Variants in IPO5 observed in about 807,000 individuals in gnomAD.
The protein encoded by IPO5 is importin 5.
A neutral mutation model predicts 143.3 loss-of-function variants in IPO5; 18 were observed. That is an observed-to-expected ratio of 0.13 (90% CI 0.09 to 0.19). IPO5 has a LOEUF of 0.19. IPO5 is among the 10% of genes least tolerant of loss of function. The pLI is 1.00. For missense variants in IPO5, 1,013 were observed against 1,336.9 expected, an observed-to-expected ratio of 0.76 and a Z score of 3.78; for synonymous variants, 477 against 465.7, an observed-to-expected ratio of 1.02 and a Z score of -0.31.
chr13:98,019,915 G>A (rs1299533429), intron 27 of IPO5, 106 bp downstream of exon 27: 3 of 692,626 alleles, frequency 4.3e-6, no homozygotes, highest in Admixed American at 2.3e-5. Context: ...TCTCTGCACA[G>A]TCCTCAGTTG....
intron 2 of IPO5, among the ~76,000 whole-genome samples, chr13:97,964,305 T>C (rs1885124049): frequency 6.6e-6 from 1 of 152,158 alleles, no homozygotes; most frequent in African/African-American, 2.4e-5. Flanking sequence ...TAGGTTTTCT[T>C]CTAGGGTTTT....
intron 2 of IPO5, 97 bp downstream of exon 2, chr13:97,954,295 A>G (rs1884310514): frequency 6.5e-6 from 1 of 153,308 alleles, no homozygotes; most frequent in African/African-American, 2.4e-5. Flanking sequence ...ATTTTCTCCT[A>G]TAATTATGAT....
intron 3 of IPO5, chr13:97,970,045 A>G (rs1885690741): frequency 6.4e-6 from 3 of 466,838 alleles, no homozygotes; most frequent in Admixed American, 4.2e-5. Flanking sequence ...TAGGACACCT[A>G]TGTGTAGCTA....
Position 97,989,084 on chromosome 13 carries a change from G to T in IPO5, c.387G>T (p.Trp129Cys). 6.2e-7 allele frequency: 1 copy of T among 1,612,496 alleles called. No homozygotes were observed. The highest frequency in any genetic ancestry group is 8.5e-7 in the Non-Finnish European group (1 of 1,178,564). ...CAGATGAGGATGGCAATAACCAGTG[G>T]CCCGAAGGTTTGAAGTTCCTTTTTG... Reference protein sequence around the residue: ...NLIDEDGNNQWPEGLKFLFDS... With the variant: ...NLIDEDGNNQCPEGLKFLFDS... Residue 129 changes from tryptophan (W) to cysteine (C), a missense_variant, in exon 7 of 29, where the codon TGG (tryptophan) becomes TGT (cysteine). Physicochemically the swap from Trp to Cys is radical, Grantham distance 215. Around this residue, in one of 2 missense-constraint regions of IPO5, gnomAD observed 328 missense variants for 342.0 expected, o/e 0.96. Transcript: ENST00000651721.
chr13:98,016,639 C>T (rs938195526), intron 24 of IPO5, 90 bp from the exon 25 acceptor site: 4 of 689,560 alleles, frequency 5.8e-6, no homozygotes, highest in African/African-American at 5.7e-5. Flanking sequence ...TGATTTTCTG[C>T]ATTTTTTAAG....
In IPO5 at chr13:98,018,690, G is replaced by T; in HGVS notation, c.2822G>T (p.Arg941Leu). ...VMAQYGGDNY[R>L]PFCTEALPLL... Reference sequence around the variant, plus strand: ...GCACAGTACGGTGGAGATAATTATCGCCCTTTTTGTACAGGTACGTTTGCT... The same window carrying T: ...GCACAGTACGGTGGAGATAATTATCTCCCTTTTTGTACAGGTACGTTTGCT... The change falls in exon 26 of 29, where the codon CGC becomes CTC. Residue 941 changes from arginine (R) to leucine (L), a missense_variant. Arg to Leu is a moderately radical substitution (Grantham distance 102, BLOSUM62 -2). Transcript: ENST00000651721. 2 of 1,613,422 alleles carry T rather than the reference G, an allele frequency of 1.2e-6. No homozygotes were observed. Among genetic ancestry groups the T allele is most frequent in the Non-Finnish European group, 1.7e-6 (2 of 1,179,454 alleles).
rs1483042693 is a variant in IPO5 at position 98,014,136 on chromosome 13, G to A, written c.2247G>A (p.Met749Ile). ...PEYLTQMWHFMCDALIKAIGT... is the reference protein window; with the variant it reads ...PEYLTQMWHFICDALIKAIGT... The stretch of plus-strand genomic sequence containing the variant: ...ATCTCACACAGATGTGGCATTTTAT[G>A]TGTGATGCTCTAATTAAGGCCATTG... The change falls in exon 22 of 29, where the codon ATG (methionine) becomes ATA (isoleucine). Residue 749 changes from methionine to isoleucine, a missense_variant. By Grantham distance (10) the Met-to-Ile change is conservative. Around this residue, in one of 2 missense-constraint regions of IPO5, gnomAD observed 685 missense variants for 994.9 expected, o/e 0.69. Coordinates refer to ENST00000651721, the MANE Select transcript of IPO5 (RefSeq NM_002271.6). 1.2e-5 allele frequency: 20 copies of A among 1,613,630 alleles called. No individual in the cohort carries two copies. The highest frequency in any genetic ancestry group is 1.7e-5 in the Non-Finnish European group (20 of 1,179,664).
chr13:98,009,461 G>A (rs1392157930), intron 18 of IPO5, among the ~76,000 whole-genome samples: 1 of 152,234 alleles, frequency 6.6e-6, no homozygotes, highest in East Asian at 1.9e-4. Context: ...AATGTTTAAT[G>A]AATGGAGTGG....
chr13:98,014,690 T>C (rs532787099), intron 22 of IPO5, among the ~76,000 whole-genome samples: 4 of 152,284 alleles, frequency 2.6e-5, no homozygotes, highest in South Asian at 4.1e-4. Flanking sequence ...GGGAATGATA[T>C]GGGCAGCAGC....
At chr13:97,994,658 A>G (rs1413396943) in intron 11 of IPO5, among the ~76,000 whole-genome samples, 1 of 152,206 alleles carries the variant, frequency 6.6e-6, no homozygotes, top group African/African-American at 2.4e-5. Flanking sequence ...TAGGGCCTGG[A>G]GTAGCCAAGA....
intron 21 of IPO5, among the ~76,000 whole-genome samples, chr13:98,013,660 G>A (rs1302361227): frequency 6.6e-6 from 1 of 152,146 alleles, no homozygotes; most frequent in African/African-American, 2.4e-5. Flanking sequence ...GGCCAGCATA[G>A]GAAGAGGTCC....
intron 2 of IPO5, among the ~76,000 whole-genome samples, chr13:97,969,175 ATT>A (rs60300496): frequency 1.1e-3 from 47 of 43,888 alleles, no homozygotes; most frequent in African/African-American, 3.2e-3. Context: ...ATATATATAT[ATT>A]TTTTTTTTTT....
intron 13 of IPO5, 110 bp downstream of exon 13, chr13:98,000,755 C>A: frequency 1.4e-6 from 1 of 702,000 alleles, no homozygotes; most frequent in South Asian, 1.8e-5. Flanking sequence ...TTTTATCATC[C>A]ATATTTAACC....
At chr13:97,990,327 A>G (rs1887704873) in intron 8 of IPO5, 105 bp downstream of exon 8, 6 of 1,149,330 alleles carry the variant, frequency 5.2e-6, no homozygotes, top group Middle Eastern at 3.9e-4. Context: ...TTAAAATACA[A>G]ACACCAGTTT....
intron 22 of IPO5, 89 bp from the exon 23 acceptor site, chr13:98,015,441 A>C: frequency 1.4e-6 from 1 of 718,822 alleles, no homozygotes; most frequent in East Asian, 2.5e-5. Flanking sequence ...AACTGTGTTC[A>C]TTTTTCCATA....
chr13:97,957,315 A>G (rs1347249245), intron 2 of IPO5, among the ~76,000 whole-genome samples: 2 of 151,888 alleles, frequency 1.3e-5, no homozygotes, highest in Non-Finnish European at 2.9e-5. Context: ...CTCCCACCTC[A>G]GCCTCCTGAG....
In IPO5 at chr13:97,969,842, C is replaced by A. The variant is rs912024294; in HGVS notation, c.-5+12C>A. 6.3e-7 allele frequency: 1 copy of A among 1,596,810 alleles called. No homozygotes were observed. The highest frequency in any genetic ancestry group is 1.3e-5 in the African/African-American group (1 of 74,234). On this transcript the variant is annotated intron_variant, in intron 3 of 28. Coordinates refer to ENST00000651721, the MANE Select transcript of IPO5 (RefSeq NM_002271.6). Reference sequence around the variant, plus strand: ...GAAAACACAATAAGGTAACTGATTTCACCTGGGGAAAAGTCACTTCCTGTT... The same window carrying A: ...GAAAACACAATAAGGTAACTGATTTAACCTGGGGAAAAGTCACTTCCTGTT...
rs1382617239 is a variant in IPO5 at position 98,021,961 on chromosome 13, G to A, written c.*139G>A. 8.3e-6 allele frequency: 4 copies of A among 482,528 alleles called. No individual in the cohort carries two copies. The highest frequency in any genetic ancestry group is 3.1e-5 in the Admixed American group (1 of 31,978). The allele number at this position is 482,528 out of a possible 1,614,324, so 29.9% of individuals were successfully genotyped here. A position where few individuals can be genotyped will look rare whatever the true frequency, so the allele number is the denominator to read the frequency against. On this transcript the variant is annotated 3_prime_UTR_variant, in exon 29 of 29. Transcript: ENST00000651721. ...CATTCTTCTGGAGAGCCACAAGCAG[G>A]AAGAGCAGCGCTGTGTTGCAGAATG...
At chr13:97,978,729 G>T (rs552526089) in intron 4 of IPO5, among the ~76,000 whole-genome samples, 138 of 152,216 alleles carry the variant, frequency 9.1e-4, no homozygotes, top group African/African-American at 3.3e-3. Flanking sequence ...GTTCCCTCCA[G>T]TTGCTTAAGT....
Sources: gnomAD v4.1 joint callset for allele counts (sites outside exome capture counted in the v4.1 genomes callset) on GRCh38, gnomAD v4.1.1 for gene constraint, gnomAD v4.1.1 regional missense constraint, MANE v1.5 for transcripts, NCBI Gene and HGNC (gene_info 2026-07-23, HGNC 2026-07-21) for gene names.